VEGFC: variants seen among roughly 807,000 people sequenced by gnomAD.
VEGFC encodes the protein FLT4 ligand DHM.
A neutral mutation model predicts 46.1 loss-of-function variants in VEGFC; 12 were observed. That is an observed-to-expected ratio of 0.26 (90% CI 0.17 to 0.42). The LOEUF is 0.42. Among genes scored for constraint, VEGFC ranks in the 10% least tolerant of loss-of-function variants. VEGFC has a pLI of 1.00. For missense variants in VEGFC, 488 were observed against 529.4 expected (o/e 0.92, Z 0.77); for synonymous variants, 232 against 195.5 (o/e 1.19, Z -1.56).
Position 176,711,648 on chromosome 4 carries a change from T to C in VEGFC, c.555A>G (p.Leu185=), listed in dbSNP as rs767394771. The C allele has an allele frequency of 1.9e-6, 3 of 1,612,744 alleles. No homozygotes were observed. The South Asian group carries it at 3.3e-5, about 18-fold the overall frequency. Residue 185 remains leucine, a splice_region_variant and synonymous_variant, in exon 4 of 7, where the codon TTA becomes TTG. Coordinates refer to ENST00000618562, the MANE Select transcript of VEGFC (RefSeq NM_005429.5). ...GAGAGAGAGGCACTGTAATTTCAAA[T>C]AACTACAAAGAAGGGACAAAAAGAA... ...NTSTSYLSKT[L]FEITVPLSQG...
intron 3 of VEGFC, 92 bp downstream of exon 3, chr4:176,727,686 T>G: frequency 7.3e-7 from 1 of 1,370,484 alleles, no homozygotes; most frequent in Non-Finnish European, 9.7e-7. Context: ...CAAGTTAGTT[T>G]AAAGCAACCA....
At chr4:176,715,195 T>C (rs1355519612) in intron 3 of VEGFC, among the ~76,000 whole-genome samples, 1 of 152,196 alleles carries the variant, frequency 6.6e-6, no homozygotes, top group African/African-American at 2.4e-5. Flanking sequence ...CTCTTTTTTG[T>C]GTCTAAGTAG....
intron 4 of VEGFC, among the ~76,000 whole-genome samples, chr4:176,690,464 C>T (rs1982771): frequency 1 from 152,089 of 152,144 alleles, 76,017 homozygotes; most frequent in East Asian, 1. Flanking sequence ...TTTTCACTTA[C>T]CAATATTTCT....
intron 4 of VEGFC, among the ~76,000 whole-genome samples, chr4:176,693,966 GCTC>G (rs1734258955): frequency 6.6e-6 from 1 of 151,524 alleles, no homozygotes; most frequent in Non-Finnish European, 1.5e-5. Context: ...CCCTAAAAGA[GCTC>G]CTGAAGGAAG....
intron 5 of VEGFC, 125 bp from the exon 6 acceptor site, chr4:176,687,645 G>A: frequency 9.3e-7 from 1 of 1,078,768 alleles, no homozygotes; most frequent in Non-Finnish European, 1.3e-6. Flanking sequence ...ACAAACATGA[G>A]TATGTTCCTT....
At chr4:176,729,840 C>T (rs1293088364) in intron 1 of VEGFC, 94 bp from the exon 2 acceptor site, 6 of 791,594 alleles carry the variant, frequency 7.6e-6, no homozygotes, top group Non-Finnish European at 7.1e-6. Flanking sequence ...AGTATCTATG[C>T]TCCGTTCCCT....
At chr4:176,708,088 G>A (rs1560941188) in intron 4 of VEGFC, among the ~76,000 whole-genome samples, 1 of 151,632 alleles carries the variant, frequency 6.6e-6, no homozygotes. Context: ...CTCATACTGA[G>A]CAAAGTTAAT....
intron 1 of VEGFC, among the ~76,000 whole-genome samples, chr4:176,765,917 A>T (rs1008359361): frequency 6.6e-6 from 1 of 152,096 alleles, no homozygotes; most frequent in Non-Finnish European, 1.5e-5. Context: ...CAACAATAAG[A>T]TTGATAGTGG....
intron 4 of VEGFC, among the ~76,000 whole-genome samples, chr4:176,704,263 C>G (rs1216559962): frequency 6.6e-6 from 1 of 152,106 alleles, no homozygotes; most frequent in African/African-American, 2.4e-5. Flanking sequence ...GATTTCCCCA[C>G]AGTTTCATCT....
chr4:176,773,762 A>G (rs995312550), intron 1 of VEGFC, among the ~76,000 whole-genome samples: 12 of 152,270 alleles, frequency 7.9e-5, no homozygotes, highest in African/African-American at 2.4e-4. Context: ...AGGTCACTAC[A>G]GCCTTGGACT....
intron 2 of VEGFC, among the ~76,000 whole-genome samples, chr4:176,728,340 T>C (rs1458451617): frequency 6.6e-6 from 1 of 152,168 alleles, no homozygotes; most frequent in Non-Finnish European, 1.5e-5. Flanking sequence ...TTCTCTATAG[T>C]ATGGGCCATT....
At chr4:176,694,624 C>T (rs899647824) in intron 4 of VEGFC, among the ~76,000 whole-genome samples, 157 of 151,816 alleles carry the variant, frequency 1.0e-3, no homozygotes, top group African/African-American at 3.7e-3. Flanking sequence ...CTGCACCAAG[C>T]GGACCTAATA....
intron 1 of VEGFC, among the ~76,000 whole-genome samples, chr4:176,786,226 T>A (rs961015860): frequency 6.6e-6 from 1 of 152,204 alleles, no homozygotes; most frequent in Non-Finnish European, 1.5e-5. Context: ...CACTAAAGAA[T>A]CTTCATTGGC....
At chr4:176,751,684 A>G (rs1012135377) in intron 1 of VEGFC, among the ~76,000 whole-genome samples, 1 of 152,030 alleles carries the variant, frequency 6.6e-6, no homozygotes, top group African/African-American at 2.4e-5. Flanking sequence ...TATGTTCAGC[A>G]CAACATAATT....
chr4:176,739,720 T>C (rs1437167717), intron 1 of VEGFC, among the ~76,000 whole-genome samples: 1 of 151,358 alleles, frequency 6.6e-6, no homozygotes, highest in Non-Finnish European at 1.5e-5. Context: ...GTAACAAACC[T>C]ACACATCCTG....
intron 1 of VEGFC, among the ~76,000 whole-genome samples, chr4:176,735,522 C>T (rs371087372): frequency 3.3e-5 from 5 of 151,886 alleles, no homozygotes; most frequent in African/African-American, 1.2e-4. Flanking sequence ...ACCACCTTTT[C>T]TTGTTTCAGC....
At chr4:176,743,873 T>C (rs765258499) in intron 1 of VEGFC, among the ~76,000 whole-genome samples, 3 of 151,992 alleles carry the variant, frequency 2.0e-5, no homozygotes, top group Non-Finnish European at 4.4e-5. Context: ...ATATTGTTTC[T>C]GTCCTATGAC....
intron 1 of VEGFC, among the ~76,000 whole-genome samples, chr4:176,765,873 G>A (rs1393894160): frequency 6.6e-6 from 1 of 151,976 alleles, no homozygotes; most frequent in Non-Finnish European, 1.5e-5. Context: ...AATTTTAAAT[G>A]CTAACAGTGA....
intron 4 of VEGFC, among the ~76,000 whole-genome samples, chr4:176,705,633 A>C (rs1032396625): frequency 6.6e-6 from 1 of 152,224 alleles, no homozygotes; most frequent in African/African-American, 2.4e-5. Flanking sequence ...GATGTTAGTA[A>C]AAATAGTAGC....
Sources: allele counts gnomAD v4.1 joint callset (sites outside exome capture counted in the v4.1 genomes callset), GRCh38; gene constraint gnomAD v4.1.1; transcripts MANE v1.5; gene names NCBI Gene and HGNC (gene_info 2026-07-23, HGNC 2026-07-21).